LYN: variants seen among roughly 807,000 people sequenced by gnomAD.
LYN encodes the protein tyrosine-protein kinase Lyn.
A neutral mutation model predicts 65.0 loss-of-function variants in LYN; 12 were observed. The ratio of observed to expected loss-of-function variants is 0.18; its 90% CI spans 0.12 to 0.30. The LOEUF (loss-of-function observed/expected upper bound fraction) is 0.30, where lower values mean the gene tolerates loss of function less well. Ranked by LOEUF, LYN falls within the 10% of genes least tolerant of loss-of-function variation. The pLI is 1.00. For missense variants in LYN, 380 were observed against 623.2 expected (o/e 0.61, Z 4.16); for synonymous variants, 222 against 221.2 (o/e 1.00, Z -0.03).
intron 1 of LYN, among the ~76,000 whole-genome samples, chr8:55,940,609 C>T (rs1039545255): frequency 2.0e-5 from 3 of 152,160 alleles, no homozygotes; most frequent in African/African-American, 7.2e-5. Context: ...CTCTTGACCT[C>T]GTGATCCGCC....
chr8:55,924,725 C>T (rs919923087), intron 1 of LYN, among the ~76,000 whole-genome samples: 1 of 152,208 alleles, frequency 6.6e-6, no homozygotes, highest in Middle Eastern at 3.4e-3. Flanking sequence ...CTCTTTTTCA[C>T]CTTTAAACTC....
At chr8:55,990,239 C>CAAAA (rs34461698) in intron 10 of LYN, among the ~76,000 whole-genome samples, 18 of 45,384 alleles carry the variant, frequency 4.0e-4, no homozygotes, top group Admixed American at 8.9e-4. Context: ...ACTCTGCCTC[C>CAAAA]AAAAAAAAAA....
At chr8:55,901,815 G>A (rs768402167) in intron 1 of LYN, among the ~76,000 whole-genome samples, 4 of 152,128 alleles carry the variant, frequency 2.6e-5, no homozygotes, top group Non-Finnish European at 5.9e-5. Context: ...TCATTATCAA[G>A]TTGCATTTCC....
rs1208573956 is a variant in LYN, at chr8:55,911,756, G to T, written c.-5-30099G>T. 3.9e-5 allele frequency among the ~76,000 whole-genome samples: 6 copies of T among 152,148 alleles called. No homozygotes were observed. The East Asian group carries it at 1.2e-3, about 29-fold the overall frequency. On this transcript the variant is annotated intron_variant, in intron 1 of 12. Transcript: ENST00000519728. ...TTGGGGATAGGTTTTGCATGTCCGTGGAAAGGGCTTGCTGATGAATTTGAT... is the reference window on the plus strand; with the variant it reads ...TTGGGGATAGGTTTTGCATGTCCGTTGAAAGGGCTTGCTGATGAATTTGAT...
At chr8:55,997,867 G>A (rs1294174465) in intron 10 of LYN, among the ~76,000 whole-genome samples, 6 of 152,160 alleles carry the variant, frequency 3.9e-5, no homozygotes, top group East Asian at 1.9e-4. Context: ...GGCGGATCAC[G>A]AGGTCAGGAG....
At chr8:55,997,422 A>G (rs1195274504) in intron 10 of LYN, among the ~76,000 whole-genome samples, 3 of 152,186 alleles carry the variant, frequency 2.0e-5, no homozygotes. Context: ...GGGCAAGGAA[A>G]GCCCTGGCAG....
rs182521152 is a variant in LYN, at chr8:55,957,028, A to G, written c.790+3044A>G. On this transcript the variant is annotated intron_variant, in intron 8 of 12. Coordinates refer to ENST00000519728, the MANE Select transcript of LYN (RefSeq NM_002350.4). ...TCATTCGATAAACAACATCACTGAG[A>G]ATCAGATAAGCAACTTACTCAAGGT... is the stretch of plus-strand genomic sequence containing the variant. Among the ~76,000 whole-genome samples the G allele has an allele frequency of 1.9e-3, 287 of 152,358 alleles. 4 individuals are homozygous for G. The highest frequency in any genetic ancestry group is 6.4e-3 in the African/African-American group (267 of 41,580).
chr8:55,965,899 C>T (rs896254034), intron 8 of LYN, among the ~76,000 whole-genome samples: 5 of 151,966 alleles, frequency 3.3e-5, no homozygotes, highest in Non-Finnish European at 7.4e-5. Context: ...CTGAGGCTGG[C>T]GGATCACTTG....
intron 10 of LYN, among the ~76,000 whole-genome samples, chr8:55,994,980 A>G (rs144330348): frequency 1.0e-3 from 159 of 152,280 alleles, no homozygotes; most frequent in African/African-American, 3.5e-3. Context: ...GCTCAGCCTG[A>G]TCTTCGCTCT....
chr8:55,904,742 C>A (rs545554981), intron 1 of LYN, among the ~76,000 whole-genome samples: 1 of 152,018 alleles, frequency 6.6e-6, no homozygotes, highest in South Asian at 2.1e-4. Context: ...GAGCGAGACT[C>A]CATCTCAAAA....
chr8:55,971,806 T>C (rs1048083073), intron 10 of LYN, among the ~76,000 whole-genome samples: 3 of 152,218 alleles, frequency 2.0e-5, no homozygotes, highest in African/African-American at 7.2e-5. Flanking sequence ...CCTCGAAAAG[T>C]AATTTTTCTA....
chr8:55,986,779 G>A (rs1469236207), intron 10 of LYN, among the ~76,000 whole-genome samples: 1 of 152,178 alleles, frequency 6.6e-6, no homozygotes, highest in African/African-American at 2.4e-5. Flanking sequence ...AGGCTAGAGA[G>A]CAGTGATGTG....
At chr8:55,933,606 A>G (rs1230564646) in intron 1 of LYN, among the ~76,000 whole-genome samples, 3 of 152,198 alleles carry the variant, frequency 2.0e-5, no homozygotes, top group South Asian at 4.1e-4. Context: ...TGGTGAGGCA[A>G]TTACAGTCCA....
chr8:55,935,313 G>C (rs181920005), intron 1 of LYN, among the ~76,000 whole-genome samples: 1 of 152,162 alleles, frequency 6.6e-6, no homozygotes, highest in Non-Finnish European at 1.5e-5. Flanking sequence ...TGGCCAGCCC[G>C]GGTTACCAGC....
At chr8:55,885,474 C>T (rs918811467) in intron 1 of LYN, among the ~76,000 whole-genome samples, 7 of 152,186 alleles carry the variant, frequency 4.6e-5, no homozygotes, top group Non-Finnish European at 7.3e-5. Flanking sequence ...TTCCAGTCCC[C>T]GCTTTCCTCC....
At chr8:56,001,838 A>G (rs1280777752) in intron 12 of LYN, among the ~76,000 whole-genome samples, 1 of 152,124 alleles carries the variant, frequency 6.6e-6, no homozygotes, top group Non-Finnish European at 1.5e-5. Flanking sequence ...ATGTGCTACC[A>G]TGGCCCCTGA....
rs138049857 is a variant in LYN at position 55,905,800 on chromosome 8, C to G, written c.-6+25697C>G. 2.4e-3 allele frequency among the ~76,000 whole-genome samples: 368 copies of G among 152,234 alleles called. 1 individual carries two copies. The highest frequency in any genetic ancestry group is 8.0e-3 in the African/African-American group (334 of 41,542). ...CTGTGTCATATGCATCATGTGAGTG[C>G]ATGAAGTCCCTTGCTCCAGGGACTT... On this transcript the variant is annotated intron_variant, in intron 1 of 12. Transcript: ENST00000519728.
intron 12 of LYN, among the ~76,000 whole-genome samples, chr8:56,000,426 A>G (rs1425069879): frequency 6.6e-6 from 1 of 151,920 alleles, no homozygotes; most frequent in Non-Finnish European, 1.5e-5. Flanking sequence ...CTGTGCTGGC[A>G]TGGTTAAGAA....
intron 1 of LYN, among the ~76,000 whole-genome samples, chr8:55,919,022 CAAAAAAAA>C (rs35663372): frequency 2.5e-4 from 16 of 62,748 alleles, no homozygotes; most frequent in Admixed American, 8.1e-4. Context: ...CCTGTCTCTA[CAAAAAAAA>C]AAAAAAAAAA....
Sources: gnomAD v4.1 joint callset for allele counts (sites outside exome capture counted in the v4.1 genomes callset) on GRCh38, gnomAD v4.1.1 for gene constraint, MANE v1.5 for transcripts, NCBI Gene and HGNC (gene_info 2026-07-23, HGNC 2026-07-21) for gene names.